The following TACR1 variants were observed in gnomAD, a reference collection of about 807,000 sequenced individuals.
The protein encoded by TACR1 is substance-P receptor.
In TACR1, 25 loss-of-function variants were observed where a neutral mutation model predicts 35.8. That is an observed-to-expected ratio of 0.70 (90% CI 0.51 to 0.98). The LOEUF (loss-of-function observed/expected upper bound fraction) is 0.98. TACR1 is among the 50% of genes least tolerant of loss of function. TACR1 has a pLI of 0.00. For synonymous variants in TACR1, 195 were observed against 206.7 expected, an observed-to-expected ratio of 0.94 and a Z score of 0.48; for missense variants, 478 against 522.9, an observed-to-expected ratio of 0.91 and a Z score of 0.84.
intron 1 of TACR1, among the ~76,000 whole-genome samples, chr2:75,154,000 G>A (rs1674737557): frequency 6.6e-6 from 1 of 152,120 alleles, no homozygotes; most frequent in African/African-American, 2.4e-5. Flanking sequence ...TAAGGAAACT[G>A]GCCTCACTAT....
chr2:75,192,927 C>T (rs1675883953), intron 1 of TACR1, among the ~76,000 whole-genome samples: 1 of 151,966 alleles, frequency 6.6e-6, no homozygotes, highest in Admixed American at 6.6e-5. Flanking sequence ...ATGAGTATTC[C>T]CAATCCAGTG....
intron 2 of TACR1, among the ~76,000 whole-genome samples, chr2:75,070,765 G>GT (rs1240467164): frequency 1.3e-5 from 2 of 152,182 alleles, no homozygotes; most frequent in Non-Finnish European, 2.9e-5. Flanking sequence ...ATACAGACAG[G>GT]TAAGCAGGCT....
In TACR1 at chr2:75,083,881, A is replaced by G. The variant is rs545274685; in HGVS notation, c.585-30126T>C. On this transcript the variant is annotated intron_variant, in intron 2 of 4. Transcript: ENST00000305249. ...ATCATGTCATCTGCAAACAGGGACA[A>G]TTTGACTTCCTCTTTTCCTAATTGA... 6.6e-5 allele frequency among the ~76,000 whole-genome samples: 10 copies of G among 152,228 alleles called. No individual in the cohort carries two copies. In the South Asian group the frequency reaches 1.7e-3, roughly 25 times the overall value.
At chr2:75,116,820 T>G (rs1486198552) in intron 2 of TACR1, among the ~76,000 whole-genome samples, 2 of 151,854 alleles carry the variant, frequency 1.3e-5, no homozygotes, top group African/African-American at 4.8e-5. Context: ...TGAGGCAGGA[T>G]AATCACTTGA....
At chr2:75,187,478 A>G (rs961342475) in intron 1 of TACR1, 3 of 152,210 alleles carry the variant, frequency 2.0e-5, no homozygotes, top group African/African-American at 7.2e-5. Context: ...CACCTCTTAC[A>G]TTCCACATTG....
chr2:75,173,098 A>T (rs1675330304), intron 1 of TACR1, among the ~76,000 whole-genome samples: 1 of 152,148 alleles, frequency 6.6e-6, no homozygotes, highest in Admixed American at 6.5e-5. Context: ...GAACGGACAC[A>T]ATTCAACCCA....
At chr2:75,149,763 C>T (rs1674632522) in intron 1 of TACR1, among the ~76,000 whole-genome samples, 1 of 152,160 alleles carries the variant, frequency 6.6e-6, no homozygotes, top group Non-Finnish European at 1.5e-5. Flanking sequence ...CTGGCCAGAA[C>T]TTTCAATACT....
intron 2 of TACR1, among the ~76,000 whole-genome samples, chr2:75,099,935 C>T (rs1254750206): frequency 5.3e-5 from 8 of 152,190 alleles, no homozygotes; most frequent in Admixed American, 6.5e-5. Flanking sequence ...ATTTCACAGG[C>T]GTTTCATGAC....
chr2:75,089,209 A>G (rs1017276182), intron 2 of TACR1, among the ~76,000 whole-genome samples: 1 of 152,216 alleles, frequency 6.6e-6, no homozygotes, highest in Non-Finnish European at 1.5e-5. Flanking sequence ...TATAGTAGGT[A>G]CAGAATGACT....
At chr2:75,140,583 C>T (rs952193004) in intron 1 of TACR1, among the ~76,000 whole-genome samples, 3 of 152,162 alleles carry the variant, frequency 2.0e-5, no homozygotes, top group Non-Finnish European at 4.4e-5. Context: ...CCTCTGAAGA[C>T]TCAACTCAGG....
At chr2:75,096,557 G>A (rs112672277) in intron 2 of TACR1, among the ~76,000 whole-genome samples, 39 of 152,236 alleles carry the variant, frequency 2.6e-4, no homozygotes, top group Middle Eastern at 3.4e-3. Flanking sequence ...TATTGTACAG[G>A]GCTATTGTGC....
intron 1 of TACR1, among the ~76,000 whole-genome samples, chr2:75,151,339 G>T (rs1469387613): frequency 6.6e-6 from 1 of 152,326 alleles, no homozygotes; most frequent in South Asian, 2.1e-4. Flanking sequence ...TGTTTTTGTG[G>T]ATCTGGCCCA....
intron 1 of TACR1, among the ~76,000 whole-genome samples, chr2:75,133,664 C>G (rs1033402101): frequency 3.9e-5 from 6 of 152,180 alleles, no homozygotes; most frequent in African/African-American, 1.4e-4. Context: ...ATCCAGGATC[C>G]TCACACTCAC....
chr2:75,092,087 A>G (rs1004287569), intron 2 of TACR1, among the ~76,000 whole-genome samples: 1 of 152,210 alleles, frequency 6.6e-6, no homozygotes, highest in African/African-American at 2.4e-5. Flanking sequence ...TCAGCATGCT[A>G]TTTAGTTCTC....
chr2:75,093,853 G>A (rs1673357308), intron 2 of TACR1, among the ~76,000 whole-genome samples: 1 of 152,128 alleles, frequency 6.6e-6, no homozygotes, highest in East Asian at 1.9e-4. Context: ...AGACAAAGCT[G>A]AGTGTTTTTG....
At chr2:75,169,981 T>A (rs1572976007) in intron 1 of TACR1, among the ~76,000 whole-genome samples, 1 of 152,252 alleles carries the variant, frequency 6.6e-6, no homozygotes, top group Non-Finnish European at 1.5e-5. Context: ...AATTGCATTT[T>A]TAGATTTCTT....
intron 1 of TACR1, among the ~76,000 whole-genome samples, chr2:75,168,644 A>C (rs567451256): frequency 6.6e-6 from 1 of 152,146 alleles, no homozygotes; most frequent in Admixed American, 6.5e-5. Context: ...CTTCTCCCCA[A>C]CTGTAAGACA....
intron 2 of TACR1, among the ~76,000 whole-genome samples, chr2:75,072,876 A>C (rs1672907679): frequency 6.6e-6 from 1 of 152,210 alleles, no homozygotes; most frequent in South Asian, 2.1e-4. Flanking sequence ...GAAAATGTTT[A>C]AACAAAATTT....
intron 1 of TACR1, 29 bp downstream of exon 1, chr2:75,198,517 T>C: frequency 6.2e-7 from 1 of 1,604,462 alleles, no homozygotes; most frequent in East Asian, 2.2e-5. Flanking sequence ...ATGAGCACTT[T>C]CTCGCCTTTT....
Sources: gnomAD v4.1 joint callset for allele counts (sites outside exome capture counted in the v4.1 genomes callset) on GRCh38, gnomAD v4.1.1 for gene constraint, MANE v1.5 for transcripts, NCBI Gene and HGNC (gene_info 2026-07-23, HGNC 2026-07-21) for gene names.